The following GALNT8 variants were observed in gnomAD, a reference collection of about 807,000 sequenced individuals.
The protein encoded by GALNT8 is probable polypeptide N-acetylgalactosaminyltransferase 8.
Under a neutral mutation model 62.7 loss-of-function variants are expected in GALNT8, and 66 were observed. That is an observed-to-expected ratio of 1.05 (90% CI 0.86 to 1.29). GALNT8 has a LOEUF of 1.29. Among genes scored for constraint, GALNT8 ranks in the 50% most tolerant of loss-of-function variants. The pLI is 0.00. For missense variants in GALNT8, 771 were observed against 791.8 expected (o/e 0.97, Z 0.32); for synonymous variants, 288 against 294.3 (o/e 0.98, Z 0.22).
At chr12:4,734,080 G>T (rs559550035) in intron 2 of GALNT8, among the ~76,000 whole-genome samples, 23 of 152,292 alleles carry the variant, frequency 1.5e-4, no homozygotes, top group Admixed American at 1.4e-3. Flanking sequence ...TTTACTCTGA[G>T]CCCTTATGCA....
intron 3 of GALNT8, among the ~76,000 whole-genome samples, chr12:4,743,169 TGAG>T (rs1180872968): frequency 6.6e-6 from 1 of 152,162 alleles, no homozygotes; most frequent in Non-Finnish European, 1.5e-5. Context: ...TTCTCTAGGT[TGAG>T]GAATCAGACA....
Position 4,731,199 on chromosome 12 carries a change from A to G in GALNT8, c.509+4370A>G, listed in dbSNP as rs183776546. 6.5e-3 allele frequency among the ~76,000 whole-genome samples: 996 copies of G among 152,210 alleles called. 7 individuals carry two copies. Among genetic ancestry groups the G allele is most frequent in the Non-Finnish European group, 1.0e-2 (679 of 67,994 alleles). ...ATTCACCAGTATTTTAAAGTTTTCT[A>G]TGTAGATATCTTTCACCTCCTTGGT... On this transcript the variant is annotated intron_variant, in intron 2 of 10. Coordinates refer to ENST00000252318, the MANE Select transcript of GALNT8 (RefSeq NM_017417.2).
intron 2 of GALNT8, among the ~76,000 whole-genome samples, chr12:4,731,052 G>A (rs567411558): frequency 6.6e-6 from 1 of 151,822 alleles, no homozygotes; most frequent in African/African-American, 2.4e-5. Context: ...GTTTCACCAT[G>A]GTCTCTATCT....
chr12:4,764,788 G>A (rs1028390714), intron 9 of GALNT8, among the ~76,000 whole-genome samples: 1 of 150,340 alleles, frequency 6.7e-6, no homozygotes, highest in Non-Finnish European at 1.5e-5. Flanking sequence ...TCCTGATCTC[G>A]TGATCCGCCC....
At chr12:4,721,674 A>T (rs1408462578) in intron 1 of GALNT8, among the ~76,000 whole-genome samples, 1 of 152,118 alleles carries the variant, frequency 6.6e-6, no homozygotes, top group Non-Finnish European at 1.5e-5. Flanking sequence ...TTACACCGAG[A>T]CATTCCATTG....
At position 4,743,670 on chromosome 12, in the gene GALNT8, T is replaced by C. The variant is rs1283834828; in HGVS notation, c.677-847T>C. ...CAGGGCGTGCCACTTACTAGATATG[T>C]GACTTGGAAAAGTTTTTAAAACTCT... On this transcript the variant is annotated intron_variant, in intron 3 of 10. Coordinates refer to ENST00000252318, the MANE Select transcript of GALNT8 (RefSeq NM_017417.2). 3.3e-5 allele frequency among the ~76,000 whole-genome samples: 5 copies of C among 152,332 alleles called. No homozygotes were observed. The South Asian group carries it at 1.0e-3, about 32-fold the overall frequency.
intron 10 of GALNT8, among the ~76,000 whole-genome samples, chr12:4,771,811 T>C (rs1318623934): frequency 1.3e-5 from 2 of 151,918 alleles, no homozygotes; most frequent in African/African-American, 2.4e-5. Flanking sequence ...GTTGCTGAGA[T>C]ATGAAGATAA....
At chr12:4,725,027 T>C (rs931769371) in intron 1 of GALNT8, among the ~76,000 whole-genome samples, 1 of 152,220 alleles carries the variant, frequency 6.6e-6, no homozygotes, top group South Asian at 2.1e-4. Context: ...GATGCCTTCT[T>C]CTAACTTGTA....
Position 4,720,504 on chromosome 12 carries a change from T to G in GALNT8, c.-174T>G. 1 of 604,748 alleles carries G rather than the reference T, an allele frequency of 1.7e-6. No homozygotes were observed. Among genetic ancestry groups the G allele is most frequent in the South Asian group, 2.0e-5 (1 of 50,144 alleles). 37.5% of individuals were successfully genotyped at this position (604,748 alleles called of 1,614,324 possible). The stretch of plus-strand genomic sequence containing the variant: ...AAGACAAAGAAGGCAATAAGGAGAC[T>G]TTGCTCCTCAGAGGCCACCCGTGGC... On this transcript the variant is annotated 5_prime_UTR_variant, in exon 1 of 11. Transcript: ENST00000252318.
intron 10 of GALNT8, among the ~76,000 whole-genome samples, chr12:4,772,103 C>T (rs113126905): frequency 3.9e-5 from 6 of 152,176 alleles, no homozygotes; most frequent in East Asian, 3.9e-4. Context: ...GGGGTGAGGA[C>T]GTGGAGAGGA....
At chr12:4,750,926 G>A (rs546563569) in intron 6 of GALNT8, among the ~76,000 whole-genome samples, 72 of 151,960 alleles carry the variant, frequency 4.7e-4, no homozygotes, top group African/African-American at 1.6e-3. Flanking sequence ...GTACAAAAAC[G>A]GACACATAGA....
At chr12:4,765,103 GT>G (rs1166847681) in intron 9 of GALNT8, among the ~76,000 whole-genome samples, 1 of 152,202 alleles carries the variant, frequency 6.6e-6, no homozygotes, top group African/African-American at 2.4e-5. Context: ...GTTCAGTTTT[GT>G]TTTTTCTTCA....
At chr12:4,743,226 G>GA (rs1946280030) in intron 3 of GALNT8, among the ~76,000 whole-genome samples, 2 of 152,296 alleles carry the variant, frequency 1.3e-5, no homozygotes, top group South Asian at 4.1e-4. Context: ...GACTGAATTA[G>GA]AATCTAGATA....
At chr12:4,770,321 A>G (rs1048134954) in intron 10 of GALNT8, among the ~76,000 whole-genome samples, 2 of 151,496 alleles carry the variant, frequency 1.3e-5, no homozygotes, top group Non-Finnish European at 2.9e-5. Context: ...AAAAAAAAAC[A>G]AAAAACAAAC....
intron 3 of GALNT8, among the ~76,000 whole-genome samples, chr12:4,742,093 A>T (rs1156742832): frequency 6.6e-6 from 1 of 152,220 alleles, no homozygotes; most frequent in Non-Finnish European, 1.5e-5. Context: ...TCAGGGAATA[A>T]TGGTGCCTAC....
Position 4,739,219 on chromosome 12 carries a change from T to C in GALNT8, c.566T>C (p.Phe189Ser), listed in dbSNP as rs750967785. 3.7e-6 allele frequency: 6 copies of C among 1,610,050 alleles called. No homozygotes were observed. The African/African-American group carries it at 6.7e-5, about 18-fold the overall frequency. ...CCATCCCTCAGTGTCATTCTCATAT[T>C]CGTGAATGAAGCTCTGTCCATTATA... Reference protein sequence around the residue: ...QLPSLSVILIFVNEALSIIQR... With the variant: ...QLPSLSVILISVNEALSIIQR... Residue 189 changes from phenylalanine (F) to serine (S), a missense_variant, in exon 3 of 11, where the codon TTC becomes TCC. Transcript: ENST00000252318.
Position 4,745,575 on chromosome 12 carries a change from A to C in GALNT8, c.1007A>C (p.Asp336Ala). ...AACTGGGAACTCTGGTGCCGCTACG[A>C]TGCACTGCCACAAGCCTGGATTGAT... ...GFNWELWCRY[D>A]ALPQAWIDLH... The change falls in exon 5 of 11, where the codon GAT becomes GCT. Residue 336 changes from aspartate to alanine, a missense_variant. Physicochemically the swap from Asp to Ala is moderately radical, Grantham distance 126 (BLOSUM62 -2). Transcript: ENST00000252318. 1 of 1,614,012 alleles carries C rather than the reference A, an allele frequency of 6.2e-7. No homozygotes were observed. Among genetic ancestry groups the C allele is most frequent in the Non-Finnish European group, 8.5e-7 (1 of 1,179,912 alleles).
At chr12:4,753,379 TCTGA>T (rs1946330624) in intron 6 of GALNT8, among the ~76,000 whole-genome samples, 1 of 152,218 alleles carries the variant, frequency 6.6e-6, no homozygotes, top group Non-Finnish European at 1.5e-5. Context: ...TTTTGTCTCC[TCTGA>T]CTATGTATTT....
intron 2 of GALNT8, among the ~76,000 whole-genome samples, chr12:4,734,722 C>T (rs1295882167): frequency 7.3e-6 from 1 of 136,088 alleles, no homozygotes. Context: ...CCTTTAGTCC[C>T]TCTAGGATGA....
Sources: gnomAD v4.1 joint callset for allele counts (sites outside exome capture counted in the v4.1 genomes callset) on GRCh38, gnomAD v4.1.1 for gene constraint, MANE v1.5 for transcripts, NCBI Gene and HGNC (gene_info 2026-07-23, HGNC 2026-07-21) for gene names.